TYW1B: variants seen among roughly 807,000 people sequenced by gnomAD.
The protein encoded by TYW1B is tRNA-yW synthesizing protein 1 homolog B.
A neutral mutation model predicts 86.9 loss-of-function variants in TYW1B; 73 were observed. The observed-to-expected ratio is 0.84, with a 90% confidence interval of 0.70 to 1.02. The LOEUF is 1.02. Ranked by LOEUF, TYW1B falls within the 50% of genes least tolerant of loss-of-function variation. The pLI, the probability that TYW1B is intolerant of heterozygous loss-of-function variation, is 0.00. For synonymous variants in TYW1B, 248 were observed against 292.8 expected (o/e 0.85, Z 1.56); for missense variants, 637 against 827.4 (o/e 0.77, Z 2.82).
At chr7:72,709,548 G>A (rs184714868) in intron 10 of TYW1B, among the ~76,000 whole-genome samples, 224 of 152,214 alleles carry the variant, frequency 1.5e-3, no homozygotes, top group South Asian at 3.1e-3. Context: ...GGTGCCTGTA[G>A]TCCCAGCTAC....
At chr7:72,743,493 T>A (rs1190497144) in intron 8 of TYW1B, among the ~76,000 whole-genome samples, 3 of 152,062 alleles carry the variant, frequency 2.0e-5, no homozygotes, top group Admixed American at 6.6e-5. Flanking sequence ...TATGAAGACA[T>A]GAGTTGGCAT....
chr7:72,592,102 C>T (rs1369633487), intron 13 of TYW1B, among the ~76,000 whole-genome samples: 5 of 144,690 alleles, frequency 3.5e-5, no homozygotes, highest in East Asian at 2.0e-4. Flanking sequence ...GGATTACAGG[C>T]GTCAGCCACC....
chr7:72,755,521 C>T (rs1167042107), intron 7 of TYW1B, among the ~76,000 whole-genome samples: 1 of 152,122 alleles, frequency 6.6e-6, no homozygotes, highest in Non-Finnish European at 1.5e-5. Flanking sequence ...ATAAAAAATA[C>T]AAATGTTAGC....
rs2129567547 is a variant in TYW1B, at chr7:72,579,368, T to C, written c.1786-3649A>G. ...TAACTGACTGCTCTGATTCCCAAAGTCTAAAAAAACTAACTGGAAGACCAA... is the reference window on the plus strand; with the variant it reads ...TAACTGACTGCTCTGATTCCCAAAGCCTAAAAAAACTAACTGGAAGACCAA... On this transcript the variant is annotated intron_variant, in intron 13 of 13. Coordinates refer to ENST00000620995, the MANE Select transcript of TYW1B (RefSeq NM_001145440.3). 2.0e-5 allele frequency among the ~76,000 whole-genome samples: 3 copies of C among 152,244 alleles called. No individual in the cohort carries two copies. The Middle Eastern group carries it at 0.01, about 518-fold the overall frequency.
chr7:72,638,125 G>A (rs1812716443), intron 11 of TYW1B, among the ~76,000 whole-genome samples: 1 of 150,418 alleles, frequency 6.6e-6, no homozygotes, highest in Non-Finnish European at 1.5e-5. Flanking sequence ...CTGATAAGCA[G>A]CATAATGGTA....
At chr7:72,649,281 T>A (rs1241396648) in intron 11 of TYW1B, among the ~76,000 whole-genome samples, 7 of 152,154 alleles carry the variant, frequency 4.6e-5, no homozygotes, top group African/African-American at 1.7e-4. Flanking sequence ...GAAAGAAAGA[T>A]GCAACTATAA....
chr7:72,658,419 G>T (rs782633499), intron 11 of TYW1B, among the ~76,000 whole-genome samples: 2 of 152,106 alleles, frequency 1.3e-5, no homozygotes, highest in Non-Finnish European at 2.9e-5. Context: ...TGCAAAGCAC[G>T]ATCCAATTTG....
intron 13 of TYW1B, among the ~76,000 whole-genome samples, chr7:72,607,265 C>T (rs782816624): frequency 2.5e-4 from 38 of 151,568 alleles, no homozygotes; most frequent in South Asian, 2.1e-4. Flanking sequence ...TGGTGGTACA[C>T]GCCTGTAATC....
At chr7:72,623,958 C>T (rs1343608270) in intron 12 of TYW1B, among the ~76,000 whole-genome samples, 1 of 152,062 alleles carries the variant, frequency 6.6e-6, no homozygotes, top group African/African-American at 2.4e-5. Context: ...CCTGCCACCA[C>T]ACCCAGCTAA....
At chr7:72,645,141 C>T (rs1414094377) in intron 11 of TYW1B, among the ~76,000 whole-genome samples, 1 of 152,126 alleles carries the variant, frequency 6.6e-6, no homozygotes, top group Non-Finnish European at 1.5e-5. Context: ...CTTTCTTAAA[C>T]AGGATAAAAT....
At chr7:72,601,684 A>G (rs1554433758) in intron 13 of TYW1B, among the ~76,000 whole-genome samples, 1 of 140,568 alleles carries the variant, frequency 7.1e-6, no homozygotes, top group Admixed American at 7.1e-5. Flanking sequence ...ATTTGCCAAT[A>G]AAAAAAAAAA....
At chr7:72,653,377 C>A (rs528858466) in intron 11 of TYW1B, among the ~76,000 whole-genome samples, 2 of 152,138 alleles carry the variant, frequency 1.3e-5, no homozygotes, top group South Asian at 4.2e-4. Context: ...GAGGCCGAGG[C>A]GGGCGGATCA....
At chr7:72,647,071 A>G (rs1475978732) in intron 11 of TYW1B, among the ~76,000 whole-genome samples, 1 of 152,204 alleles carries the variant, frequency 6.6e-6, no homozygotes, top group African/African-American at 2.4e-5. Context: ...GCTGTGTCAA[A>G]ACAAGATAAA....
At chr7:72,673,559 C>T (rs1245317958) in intron 11 of TYW1B, among the ~76,000 whole-genome samples, 1 of 152,106 alleles carries the variant, frequency 6.6e-6, no homozygotes, top group Non-Finnish European at 1.5e-5. Flanking sequence ...AACAATTCAA[C>T]TCATGGAGAC....
rs569502249 is a variant in TYW1B, at chr7:72,600,138, A to T, written c.1785+16534T>A. 2.6e-5 allele frequency among the ~76,000 whole-genome samples: 4 copies of T among 152,324 alleles called. No individual in the cohort carries two copies. In the South Asian group the frequency reaches 8.3e-4, roughly 32 times the overall value. Reference sequence around the variant, plus strand: ...CAAAACTTACTATAAAGTTACAGAAATCAAGACTGCATGGTATTGGGGAAA... The same window carrying T: ...CAAAACTTACTATAAAGTTACAGAATTCAAGACTGCATGGTATTGGGGAAA... On this transcript the variant is annotated intron_variant, in intron 13 of 13. Coordinates refer to ENST00000620995, the MANE Select transcript of TYW1B (RefSeq NM_001145440.3).
At chr7:72,698,660 A>G (rs1814384197) in intron 10 of TYW1B, among the ~76,000 whole-genome samples, 1 of 141,880 alleles carries the variant, frequency 7.0e-6, no homozygotes, top group South Asian at 2.3e-4. Flanking sequence ...AAAAAAAAAA[A>G]GAAAGAAAGA....
intron 9 of TYW1B, 86 bp from the exon 10 acceptor site, chr7:72,713,884 G>C: frequency 2.2e-6 from 3 of 1,385,024 alleles, no homozygotes; most frequent in South Asian, 1.7e-5. Context: ...TGATTTTATA[G>C]AGCAAATTCA....
intron 4 of TYW1B, among the ~76,000 whole-genome samples, chr7:72,809,228 A>C (rs1554477437): frequency 2.0e-5 from 3 of 151,910 alleles, no homozygotes; most frequent in Admixed American, 1.3e-4. Flanking sequence ...TATTTTTAGT[A>C]GAGACAGGGT....
intron 7 of TYW1B, among the ~76,000 whole-genome samples, chr7:72,770,459 A>C (rs1359599101): frequency 2.0e-5 from 3 of 151,776 alleles, no homozygotes; most frequent in Admixed American, 6.6e-5. Flanking sequence ...AAAAAGAAAA[A>C]ACACAATGAG....
Sources: allele counts gnomAD v4.1 joint callset (sites outside exome capture counted in the v4.1 genomes callset), GRCh38; gene constraint gnomAD v4.1.1; transcripts MANE v1.5; gene names NCBI Gene and HGNC (gene_info 2026-07-23, HGNC 2026-07-21).